KSR1: variants seen among roughly 807,000 people sequenced by gnomAD.
KSR1 encodes the protein kinase suppressor of ras.
KSR1 carries 35 observed loss-of-function variants against 92.9 expected under a neutral mutation model. The observed-to-expected ratio is 0.38, with a 90% CI of 0.29 to 0.50. KSR1 has a LOEUF of 0.50. Ranked by LOEUF, KSR1 falls within the 20% of genes least tolerant of loss-of-function variation. The pLI is 0.94. For synonymous variants in KSR1, 467 were observed against 472.6 expected (o/e 0.99, Z 0.15); for missense variants, 972 against 1,158.5 (o/e 0.84, Z 2.34).
chr17:27,574,045 A>G (rs1376010397), intron 2 of KSR1, among the ~76,000 whole-genome samples: 2 of 152,170 alleles, frequency 1.3e-5, no homozygotes, highest in African/African-American at 2.4e-5. Context: ...AAACATCTCT[A>G]TCATCATCTG....
chr17:27,510,904 C>T (rs1322319216), intron 1 of KSR1, among the ~76,000 whole-genome samples: 2 of 152,298 alleles, frequency 1.3e-5, no homozygotes, highest in East Asian at 3.9e-4. Context: ...TATGGAGCGC[C>T]GTACCACCCA....
intron 1 of KSR1, among the ~76,000 whole-genome samples, chr17:27,528,013 A>G (rs967909346): frequency 3.9e-5 from 6 of 152,204 alleles, no homozygotes; most frequent in Non-Finnish European, 8.8e-5. Flanking sequence ...AGAAAAGGCT[A>G]TGACCTAATT....
At chr17:27,595,712 C>A (rs1053745271) in intron 9 of KSR1, among the ~76,000 whole-genome samples, 1 of 148,544 alleles carries the variant, frequency 6.7e-6, no homozygotes, top group African/African-American at 2.5e-5. Flanking sequence ...CCTTTGCCCC[C>A]CTTTTCCATT....
intron 1 of KSR1, among the ~76,000 whole-genome samples, chr17:27,544,919 G>A (rs1465480986): frequency 6.6e-6 from 1 of 152,236 alleles, no homozygotes; most frequent in Admixed American, 6.5e-5. Context: ...GGGAGTGGCT[G>A]CCTGTAGGCC....
At chr17:27,612,091 C>T (rs8065216) in intron 18 of KSR1, among the ~76,000 whole-genome samples, 20,812 of 152,164 alleles carry the variant, frequency 0.14, 1,592 homozygotes, top group Admixed American at 0.23. Context: ...TTTCAAAAAA[C>T]CAAGTCTTAA....
intron 1 of KSR1, among the ~76,000 whole-genome samples, chr17:27,499,795 G>A (rs2069113197): frequency 1.3e-5 from 2 of 152,234 alleles, no homozygotes; most frequent in African/African-American, 4.8e-5. Flanking sequence ...GAACTATTGT[G>A]TGTCAGAGTT....
At chr17:27,598,508 G>T (rs1226427491) in intron 10 of KSR1, among the ~76,000 whole-genome samples, 1 of 152,182 alleles carries the variant, frequency 6.6e-6, no homozygotes, top group Admixed American at 6.5e-5. Flanking sequence ...ACCTCAGCAC[G>T]CACGTGGCTG....
At chr17:27,505,297 G>A (rs780868683) in intron 1 of KSR1, among the ~76,000 whole-genome samples, 105 of 152,114 alleles carry the variant, frequency 6.9e-4, no homozygotes, top group Middle Eastern at 3.2e-3. Flanking sequence ...AGTGCAACCC[G>A]TTTGCCCCTG....
At position 27,609,199 on chromosome 17, in the gene KSR1, A is replaced by G; in HGVS notation, c.2095A>G (p.Met699Val). Reference sequence around the variant, plus strand: ...CTCCTCCTGATGTGTCCTCCAGGGCATGGGATATCTTCATGCCAAGGGCAT... The same window carrying G: ...CTCCTCCTGATGTGTCCTCCAGGGCGTGGGATATCTTCATGCCAAGGGCAT... ...RQIAQEIIKG[M>V]GYLHAKGIVH... is the part of the protein sequence containing the mutation. The change falls in exon 16 of 21, where the codon ATG becomes GTG. Residue 699 changes from methionine (M) to valine (V), a missense_variant. Met to Val is a conservative substitution (Grantham distance 21, BLOSUM62 1). Transcript: ENST00000644974. 1 of 1,613,658 alleles carries G rather than the reference A, an allele frequency of 6.2e-7. No homozygotes were observed. The highest frequency in any genetic ancestry group is 8.5e-7 in the Non-Finnish European group (1 of 1,179,626).
At chr17:27,550,500 G>A (rs1439814772) in intron 1 of KSR1, 68 bp from the exon 2 acceptor site, 3 of 751,848 alleles carry the variant, frequency 4.0e-6, no homozygotes, top group South Asian at 2.7e-5. Context: ...CCTCTGTAGT[G>A]TGCTTGGGCC....
At chr17:27,558,575 C>T (rs1302576966) in intron 2 of KSR1, among the ~76,000 whole-genome samples, 2 of 152,106 alleles carry the variant, frequency 1.3e-5, no homozygotes, top group Non-Finnish European at 1.5e-5. Context: ...ACGCCTGGCA[C>T]ATGGAGGCCC....
chr17:27,511,165 C>G (rs1340156411), intron 1 of KSR1, among the ~76,000 whole-genome samples: 1 of 152,234 alleles, frequency 6.6e-6, no homozygotes, highest in Non-Finnish European at 1.5e-5. Context: ...GCTAGAGATT[C>G]TAGTGCATCT....
chr17:27,516,285 A>G (rs1442297771), intron 1 of KSR1, among the ~76,000 whole-genome samples: 1 of 152,216 alleles, frequency 6.6e-6, no homozygotes, highest in Non-Finnish European at 1.5e-5. Context: ...CATGTAGTAA[A>G]TGCTCAAAAA....
chr17:27,536,510 A>T (rs1242447404), intron 1 of KSR1, among the ~76,000 whole-genome samples: 1 of 152,148 alleles, frequency 6.6e-6, no homozygotes, highest in African/African-American at 2.4e-5. Flanking sequence ...ATCCACACGC[A>T]CTTCAGTCTG....
intron 1 of KSR1, among the ~76,000 whole-genome samples, chr17:27,541,101 G>A (rs189993812): frequency 1.4e-4 from 21 of 152,350 alleles, no homozygotes; most frequent in African/African-American, 4.6e-4. Flanking sequence ...CCTGAAGTTC[G>A]GGATGGTATA....
At chr17:27,564,741 C>T (rs2071992124) in intron 2 of KSR1, among the ~76,000 whole-genome samples, 1 of 141,576 alleles carries the variant, frequency 7.1e-6, no homozygotes, top group Admixed American at 6.9e-5. Flanking sequence ...GGAAGACCCC[C>T]CCCCCCCACC....
At chr17:27,592,715 G>A in intron 9 of KSR1, 89 bp downstream of exon 9, 1 of 1,084,530 alleles carries the variant, frequency 9.2e-7, no homozygotes, top group African/African-American at 1.6e-5. Flanking sequence ...CAGTGGGGAA[G>A]TTTGGCATGA....
intron 9 of KSR1, among the ~76,000 whole-genome samples, chr17:27,594,392 C>T (rs2948521): frequency 0.3 from 45,003 of 151,840 alleles, 7,858 homozygotes; most frequent in East Asian, 0.4. Flanking sequence ...TCTCCAGCTA[C>T]ACCAAGCACA....
rs373975969 is a variant in KSR1 at position 27,585,760 on chromosome 17, G to T, written c.985+99G>T. Reference sequence around the variant, plus strand: ...ACCTCTTTGACCCACCTCTTAGCCCGTTCAGCCTCTCCATAGTCCAGAAGC... The same window carrying T: ...ACCTCTTTGACCCACCTCTTAGCCCTTTCAGCCTCTCCATAGTCCAGAAGC... On this transcript the variant is annotated intron_variant, in intron 5 of 20. Coordinates refer to ENST00000644974, the MANE Select transcript of KSR1 (RefSeq NM_001394583.1). 5 of 718,856 alleles carry T rather than the reference G, an allele frequency of 7.0e-6. No individual in the cohort carries two copies. In the East Asian group the frequency reaches 1.1e-4, roughly 15 times the overall value. 44.5% of individuals were successfully genotyped at this position (718,856 alleles called of 1,614,324 possible).
Sources: allele counts gnomAD v4.1 joint callset (sites outside exome capture counted in the v4.1 genomes callset), GRCh38; gene constraint gnomAD v4.1.1; transcripts MANE v1.5; gene names NCBI Gene and HGNC (gene_info 2026-07-23, HGNC 2026-07-21).